NPSR1: variants seen among roughly 807,000 people sequenced by gnomAD.
NPSR1 encodes the protein neuropeptide S receptor 1.
In NPSR1, 48 loss-of-function variants were observed where a neutral mutation model predicts 46.9. The ratio of observed to expected loss-of-function variants is 1.02; its 90% confidence interval spans 0.81 to 1.30. The LOEUF (loss-of-function observed/expected upper bound fraction) is 1.30. Among genes scored for constraint, NPSR1 ranks in the 50% most tolerant of loss-of-function variants. The pLI is 0.00. For synonymous variants in NPSR1, 176 were observed against 168.1 expected, an observed-to-expected ratio of 1.05 and a Z score of -0.36; for missense variants, 450 against 449.5, an observed-to-expected ratio of 1.00 and a Z score of -0.01.
chr7:34,663,552 TC>T (rs1791580624), intron 1 of NPSR1, among the ~76,000 whole-genome samples: 1 of 152,132 alleles, frequency 6.6e-6, no homozygotes, highest in Non-Finnish European at 1.5e-5. Context: ...AATCCTGTGC[TC>T]CCCAAATGTA....
At chr7:34,813,211 G>A (rs2128751342) in intron 4 of NPSR1, among the ~76,000 whole-genome samples, 1 of 152,224 alleles carries the variant, frequency 6.6e-6, no homozygotes, top group Middle Eastern at 3.4e-3. Context: ...CTAGTCTATG[G>A]AAGAAGTTTC....
At chr7:34,777,929 C>T (rs1043476841) in intron 2 of NPSR1, among the ~76,000 whole-genome samples, 1 of 152,082 alleles carries the variant, frequency 6.6e-6, no homozygotes, top group East Asian at 1.9e-4. Context: ...ATAGATCATA[C>T]ACTTGCTGTT....
intron 2 of NPSR1, chr7:34,685,931 A>C (rs186038092): frequency 4.5e-6 from 1 of 224,576 alleles, no homozygotes. Flanking sequence ...CTATAACCGT[A>C]GAAGTAGAGG....
chr7:34,817,635 A>G lies in NPSR1; in HGVS notation c.478+5772A>G, dbSNP rs572268457. Among the ~76,000 whole-genome samples the G allele has an allele frequency of 9.7e-3, 1,402 of 144,102 alleles. 20 individuals carry two copies. Among genetic ancestry groups the G allele is most frequent in the African/African-American group, 0.034 (1,292 of 38,200 alleles). The allele number at this position is 144,102 out of a possible 152,430, so 94.5% of individuals were successfully genotyped here. ...ACAAAAAAAAGAGAATTTTAGACCA[A>G]TATCCTTGATGAACATCGATGTGAA... On this transcript the variant is annotated intron_variant, in intron 4 of 8. Transcript: ENST00000360581.
intron 2 of NPSR1, among the ~76,000 whole-genome samples, chr7:34,728,523 A>G (rs1312771960): frequency 6.6e-6 from 1 of 152,230 alleles, no homozygotes; most frequent in East Asian, 1.9e-4. Context: ...AATCTTTAAA[A>G]ATAACTGGAC....
rs569539627 is a variant in NPSR1 at position 34,833,628 on chromosome 7, C to T, written c.681-756C>T. On this transcript the variant is annotated intron_variant, in intron 5 of 8. Transcript: ENST00000360581. ...TCACCACAAACCTAGTGACTTAAAT[C>T]AAGATACATTTGTTATCTCACAGTT... is the stretch of plus-strand genomic sequence containing the variant. Among the ~76,000 whole-genome samples the T allele has an allele frequency of 2.6e-5, 4 of 152,282 alleles. No individual in the cohort carries two copies. The South Asian group carries it at 6.2e-4, about 24-fold the overall frequency.
chr7:34,806,512 G>T (rs1788704875), intron 3 of NPSR1, among the ~76,000 whole-genome samples: 1 of 152,084 alleles, frequency 6.6e-6, no homozygotes, highest in South Asian at 2.1e-4. Context: ...TTTGGAGTAG[G>T]AAAGAGATGA....
chr7:34,850,187 C>T (rs1790891385), downstream of NPSR1, among the ~76,000 whole-genome samples: 2 of 152,200 alleles, frequency 1.3e-5, no homozygotes, highest in East Asian at 1.9e-4. Flanking sequence ...CAGATAGCCT[C>T]GGTTTGCAGA....
chr7:34,733,206 G>A (rs1419591158), intron 2 of NPSR1, among the ~76,000 whole-genome samples: 2 of 152,136 alleles, frequency 1.3e-5, no homozygotes, highest in Non-Finnish European at 2.9e-5. Flanking sequence ...TGGATCACGA[G>A]GTCAGGAGTT....
At chr7:34,673,336 G>A (rs952978588) in intron 1 of NPSR1, among the ~76,000 whole-genome samples, 1 of 152,076 alleles carries the variant, frequency 6.6e-6, no homozygotes, top group African/African-American at 2.4e-5. Context: ...TATGGAATTT[G>A]ATTGTACAGA....
At chr7:34,868,935 T>C (rs918948403) in intron 8 of NPSR1, among the ~76,000 whole-genome samples, 6 of 151,720 alleles carry the variant, frequency 4.0e-5, no homozygotes, top group East Asian at 1.9e-4. Flanking sequence ...GCAACAAGCC[T>C]GCTTGCAGAA....
At chr7:34,711,671 C>T (rs1357311363) in intron 2 of NPSR1, among the ~76,000 whole-genome samples, 3 of 152,186 alleles carry the variant, frequency 2.0e-5, no homozygotes, top group African/African-American at 7.2e-5. Context: ...AATTTGCAGC[C>T]AGTGCTGAGA....
At chr7:34,659,109 A>G (rs1791331007) in intron 1 of NPSR1, among the ~76,000 whole-genome samples, 1 of 152,172 alleles carries the variant, frequency 6.6e-6, no homozygotes. Context: ...GCAACAAATT[A>G]CCTCCTAGAA....
At position 34,743,510 on chromosome 7, in the gene NPSR1, G is replaced by A. The variant is rs61483853; in HGVS notation, c.281-34952G>A. On this transcript the variant is annotated intron_variant, in intron 2 of 8. Transcript: ENST00000360581. ...GGCTGGCGTGCAGTGGCATGATCTT[G>A]GCGCACTGCAACCTCCGCCTCCTGG... is the stretch of plus-strand genomic sequence containing the variant. 9.2e-4 allele frequency among the ~76,000 whole-genome samples: 139 copies of A among 150,994 alleles called. 1 individual carries two copies. Among genetic ancestry groups the A allele is most frequent in the African/African-American group, 3.3e-3 (137 of 41,110 alleles).
intron 3 of NPSR1, among the ~76,000 whole-genome samples, chr7:34,783,191 T>C (rs1021769988): frequency 6.6e-6 from 1 of 152,160 alleles, no homozygotes; most frequent in African/African-American, 2.4e-5. Context: ...CATACTGCTA[T>C]AAGAATGTAT....
intron 3 of NPSR1, among the ~76,000 whole-genome samples, chr7:34,792,715 T>TATATATATGTATATATATATTTA (rs1787980054): frequency 3.0e-5 from 3 of 98,920 alleles, no homozygotes; most frequent in Admixed American, 1.3e-4. Context: ...ATATATATAT[T>TATATATATGTATATATATATTTA]TATATATATA....
rs191557369 is a variant in NPSR1, at chr7:34,729,342, C to A, written c.280+44658C>A. Among the ~76,000 whole-genome samples, 274 of 152,186 alleles carry A rather than the reference C, an allele frequency of 1.8e-3. 2 individuals are homozygous for A. Among genetic ancestry groups the A allele is most frequent in the Middle Eastern group, 0.014 (4 of 294 alleles). ...ATTCAATCCCAGAGAGGGGTTGAAT[C>A]CCTGAATTTCACAAGATTGAAAGAT... On this transcript the variant is annotated intron_variant, in intron 2 of 8. Coordinates refer to ENST00000360581, the MANE Select transcript of NPSR1 (RefSeq NM_207172.2).
At chr7:34,841,478 A>C (rs542611362) in intron 6 of NPSR1, among the ~76,000 whole-genome samples, 3 of 152,352 alleles carry the variant, frequency 2.0e-5, no homozygotes, top group African/African-American at 7.2e-5. Context: ...TGGACGTGCC[A>C]CTTTCAGGCT....
chr7:34,667,605 A>C (rs1286571747), intron 1 of NPSR1, among the ~76,000 whole-genome samples: 2 of 152,136 alleles, frequency 1.3e-5, no homozygotes, highest in African/African-American at 4.8e-5. Context: ...TGCATTGCTA[A>C]AGATAAATAA....
Sources: gnomAD v4.1 joint callset for allele counts (sites outside exome capture counted in the v4.1 genomes callset) on GRCh38, gnomAD v4.1.1 for gene constraint, MANE v1.5 for transcripts, NCBI Gene and HGNC (gene_info 2026-07-23, HGNC 2026-07-21) for gene names.